Variants in EXOC2 observed in about 807,000 individuals in gnomAD.
The protein encoded by EXOC2 is exocyst complex component 2, also known as SEC5-like 1.
Under a neutral mutation model 131.8 loss-of-function variants are expected in EXOC2, and 70 were observed. The observed-to-expected ratio is 0.53, with a 90% CI of 0.44 to 0.65. The LOEUF (loss-of-function observed/expected upper bound fraction) is 0.65. Among genes scored for constraint, EXOC2 ranks in the 30% least tolerant of loss-of-function variants. EXOC2 has a pLI of 0.00. For synonymous variants in EXOC2, 411 were observed against 398.4 expected, an observed-to-expected ratio of 1.03 and a Z score of -0.38; for missense variants, 923 against 1,108.6, an observed-to-expected ratio of 0.83 and a Z score of 2.38.
At chr6:679,245 C>G (rs1312578882) in intron 1 of EXOC2, 1 of 151,936 alleles carries the variant, frequency 6.6e-6, no homozygotes, top group Non-Finnish European at 1.5e-5. Flanking sequence ...ATTATATAAA[C>G]AGCTCACAAA....
chr6:674,306 TA>T (rs372347988), intron 1 of EXOC2, among the ~76,000 whole-genome samples: 67 of 151,132 alleles, frequency 4.4e-4, no homozygotes, highest in African/African-American at 1.4e-3. Context: ...AATAATTCTA[TA>T]AAAAAAAATA....
At chr6:534,046 C>A (rs1268573512) in intron 22 of EXOC2, among the ~76,000 whole-genome samples, 1 of 152,108 alleles carries the variant, frequency 6.6e-6, no homozygotes, top group Non-Finnish European at 1.5e-5. Flanking sequence ...GTGAAACATA[C>A]AACTTCCAAA....
intron 7 of EXOC2, among the ~76,000 whole-genome samples, chr6:604,490 C>T (rs1478916483): frequency 3.3e-5 from 5 of 152,212 alleles, no homozygotes; most frequent in African/African-American, 1.2e-4. Flanking sequence ...ATTCTCTATA[C>T]AGATGGCAGA....
At chr6:568,748 T>C (rs1431115849) in intron 13 of EXOC2, among the ~76,000 whole-genome samples, 2 of 152,214 alleles carry the variant, frequency 1.3e-5, no homozygotes, top group Non-Finnish European at 2.9e-5. Flanking sequence ...GACTGTGCAA[T>C]GCGAAGATTA....
At chr6:630,787 G>A (rs1761806918) in intron 3 of EXOC2, among the ~76,000 whole-genome samples, 1 of 152,126 alleles carries the variant, frequency 6.6e-6, no homozygotes, top group Non-Finnish European at 1.5e-5. Context: ...TTCCGTATTA[G>A]GCTGAAATCA....
chr6:658,139 T>G (rs78540293), intron 1 of EXOC2, among the ~76,000 whole-genome samples: 4,342 of 152,254 alleles, frequency 0.029, 82 homozygotes, highest in Middle Eastern at 0.061. Flanking sequence ...TACACATAAT[T>G]CACTAAACAA....
chr6:588,253 T>C (rs764162154), intron 11 of EXOC2, among the ~76,000 whole-genome samples: 10 of 152,246 alleles, frequency 6.6e-5, no homozygotes, highest in Non-Finnish European at 1.0e-4. Context: ...TTAAGCATGT[T>C]CTGAATGTCA....
intron 17 of EXOC2, among the ~76,000 whole-genome samples, chr6:560,637 A>G (rs528160852): frequency 1.3e-5 from 2 of 152,258 alleles, no homozygotes; most frequent in Non-Finnish European, 2.9e-5. Flanking sequence ...AGGGAGAATT[A>G]GCTATAGACT....
At chr6:596,308 G>A (rs1186821437) in intron 10 of EXOC2, among the ~76,000 whole-genome samples, 1 of 151,700 alleles carries the variant, frequency 6.6e-6, no homozygotes, top group Admixed American at 6.6e-5. Context: ...GTCCAGGTGC[G>A]GATCTTTTCC....
At chr6:515,605 CCG>C (rs1203356045) in intron 23 of EXOC2, among the ~76,000 whole-genome samples, 8 of 151,450 alleles carry the variant, frequency 5.3e-5, no homozygotes, top group African/African-American at 1.9e-4. Flanking sequence ...GCCAGAGTGA[CCG>C]TAATCATACA....
At chr6:676,081 G>A (rs1379754986) in intron 1 of EXOC2, among the ~76,000 whole-genome samples, 2 of 81,862 alleles carry the variant, frequency 2.4e-5, no homozygotes, top group Non-Finnish European at 5.2e-5. Flanking sequence ...TCTGGCGACT[G>A]CGGTTCCCCA....
intron 7 of EXOC2, among the ~76,000 whole-genome samples, chr6:600,380 T>C (rs1034613895): frequency 6.6e-5 from 10 of 152,194 alleles, no homozygotes; most frequent in Non-Finnish European, 1.5e-4. Flanking sequence ...AAATTAGTAT[T>C]TGAAATCTGA....
chr6:488,674 A>G (rs1180777054), intron 27 of EXOC2, among the ~76,000 whole-genome samples: 1 of 152,104 alleles, frequency 6.6e-6, no homozygotes, highest in Admixed American at 6.5e-5. Context: ...AGTTTACTGA[A>G]TAAGTCATAG....
chr6:507,216 CCA>C (rs70982900), intron 23 of EXOC2, among the ~76,000 whole-genome samples: 31 of 25,826 alleles, frequency 1.2e-3, no homozygotes, highest in African/African-American at 2.1e-3. Flanking sequence ...ACAGCAGTGA[CCA>C]CACACACACA....
rs1347409924 is a variant in EXOC2 at position 656,848 on chromosome 6, G to A, written c.-43-18987C>T. 8 of 1,610,674 alleles carry A rather than the reference G, an allele frequency of 5.0e-6. No homozygotes were observed. The highest frequency in any genetic ancestry group is 1.7e-5 in the Admixed American group (1 of 59,862). On this transcript the variant is annotated intron_variant, in intron 1 of 27. Transcript: ENST00000230449. ...AAGCACAGGCTGTCAGGGCGCACGC[G>A]GAGCACGCAGACCTTCGCTAGCCTC...
At chr6:637,188 T>C (rs1335809050) in intron 2 of EXOC2, among the ~76,000 whole-genome samples, 1 of 152,184 alleles carries the variant, frequency 6.6e-6, no homozygotes, top group African/African-American at 2.4e-5. Flanking sequence ...AACTAAACTT[T>C]GGCTCGCTCC....
In EXOC2 at chr6:532,538, T is replaced by A. The variant is rs1274831087; in HGVS notation, c.2311A>T (p.Ile771Phe). ...ENYIELKADPIVGSLEPGIYA... is the reference protein window; with the variant it reads ...ENYIELKADPFVGSLEPGIYA... ...ATTCCAGGTTCTAAGGAGCCAACGA[T>A]GGGATCTGCTTTCAACTCGATGTAA... Residue 771 changes from isoleucine (I) to phenylalanine (F), a missense_variant, in exon 23 of 28, where the codon ATC (isoleucine) becomes TTC (phenylalanine). Coordinates refer to ENST00000230449, the MANE Select transcript of EXOC2 (RefSeq NM_018303.6). 1.2e-6 allele frequency: 2 copies of A among 1,609,890 alleles called. No homozygotes were observed. Among genetic ancestry groups the A allele is most frequent in the Non-Finnish European group, 1.7e-6 (2 of 1,178,780 alleles).
intron 11 of EXOC2, among the ~76,000 whole-genome samples, chr6:591,755 G>C (rs952801958): frequency 6.6e-6 from 1 of 152,166 alleles, no homozygotes; most frequent in African/African-American, 2.4e-5. Context: ...CAGCATAGCA[G>C]GCATTCAATA....
intron 26 of EXOC2, 109 bp from the exon 27 acceptor site, chr6:489,147 A>C (rs1763272131): frequency 1.0e-6 from 1 of 982,630 alleles, no homozygotes; most frequent in African/African-American, 1.7e-5. Flanking sequence ...CAGTGAAGCA[A>C]GGAAATATGA....
Sources: allele counts gnomAD v4.1 joint callset (sites outside exome capture counted in the v4.1 genomes callset), GRCh38; gene constraint gnomAD v4.1.1; transcripts MANE v1.5; gene names NCBI Gene and HGNC (gene_info 2026-07-23, HGNC 2026-07-21).